PAK5: variants seen among roughly 807,000 people sequenced by gnomAD.
PAK5 encodes the protein p21 (RAC1) activated kinase 5.
Under a neutral mutation model 65.9 loss-of-function variants are expected in PAK5, and 16 were observed. That is an observed-to-expected ratio of 0.24 (90% CI 0.16 to 0.37). PAK5 has a LOEUF of 0.37. Among genes scored for constraint, PAK5 ranks in the 10% least tolerant of loss-of-function variants. PAK5 has a pLI of 1.00. For synonymous variants in PAK5, 371 were observed against 354.9 expected (o/e 1.05, Z -0.51); for missense variants, 785 against 903.9 (o/e 0.87, Z 1.69).
intron 1 of PAK5, among the ~76,000 whole-genome samples, chr20:9,757,641 C>T (rs1282276352): frequency 6.6e-6 from 1 of 152,132 alleles, no homozygotes. Context: ...AGGTCAAGTG[C>T]TTCAACATTT....
chr20:9,676,514 A>G (rs1444196035), intron 2 of PAK5, among the ~76,000 whole-genome samples: 1 of 150,920 alleles, frequency 6.6e-6, no homozygotes, highest in Non-Finnish European at 1.5e-5. Context: ...AATATTATTG[A>G]TGTCATTTTT....
At chr20:9,718,138 G>A (rs2048171738) in intron 1 of PAK5, among the ~76,000 whole-genome samples, 1 of 151,746 alleles carries the variant, frequency 6.6e-6, no homozygotes, top group African/African-American at 2.4e-5. Context: ...GCCTTCTTCT[G>A]TTTTATATAC....
At position 9,541,545 on chromosome 20, in the gene PAK5, C is replaced by T. The variant is rs544404737; in HGVS notation, c.2004+1041G>A. ...ACTTTACTCCAGCAATGTAAGCCTTCTTTCTTGGCTTAAGGCCTTTCCACT... is the reference window on the plus strand; with the variant it reads ...ACTTTACTCCAGCAATGTAAGCCTTTTTTCTTGGCTTAAGGCCTTTCCACT... On this transcript the variant is annotated intron_variant, in intron 9 of 9. Transcript: ENST00000353224. 5.3e-5 allele frequency among the ~76,000 whole-genome samples: 8 copies of T among 152,316 alleles called. No homozygotes were observed. In the South Asian group the frequency reaches 1.5e-3, roughly 28 times the overall value.
In PAK5 at chr20:9,539,088, C is replaced by CTT. The variant is rs556134977; in HGVS notation, c.*372_*373dup. 8,825 of 210,538 alleles carry CTT rather than the reference C, an allele frequency of 0.042. 297 individuals are homozygous for CTT. The highest frequency in any genetic ancestry group is 0.17 in the East Asian group (2,485 of 14,610). The allele number at this position is 210,538 out of a possible 1,614,324, so 13.0% of individuals were successfully genotyped here. A position where few individuals can be genotyped will look rare whatever the true frequency, so the allele number is the denominator to read the frequency against. ...AAGTGCTTTTTGTTTTCCTTTCTTT[C>CTT]TTTTTTTTTTTTTTTTGCCAGAAAA... On this transcript the variant is annotated 3_prime_UTR_variant, in exon 10 of 10. Coordinates refer to ENST00000353224, the MANE Select transcript of PAK5 (RefSeq NM_177990.4).
intron 1 of PAK5, among the ~76,000 whole-genome samples, chr20:9,793,791 C>G (rs1398819251): frequency 2.6e-5 from 4 of 151,908 alleles, no homozygotes; most frequent in Non-Finnish European, 5.9e-5. Context: ...GATCTAGAAC[C>G]GGAAATACCA....
chr20:9,573,721 G>A (rs1357048544), intron 4 of PAK5, among the ~76,000 whole-genome samples: 3 of 152,192 alleles, frequency 2.0e-5, no homozygotes, highest in African/African-American at 2.4e-5. Context: ...TCTGAGGGCA[G>A]GGGGGCCGTG....
intron 1 of PAK5, among the ~76,000 whole-genome samples, chr20:9,713,968 C>T (rs536089621): frequency 3.3e-5 from 5 of 151,930 alleles, no homozygotes; most frequent in Admixed American, 6.6e-5. Context: ...TACACTTAAC[C>T]GTAATTTACT....
intron 7 of PAK5, among the ~76,000 whole-genome samples, chr20:9,554,677 A>G (rs991681548): frequency 1.3e-5 from 2 of 152,188 alleles, no homozygotes; most frequent in African/African-American, 4.8e-5. Flanking sequence ...AACACACTCT[A>G]AGCCTTTTCT....
At chr20:9,794,155 C>A (rs953828773) in intron 1 of PAK5, among the ~76,000 whole-genome samples, 20 of 139,988 alleles carry the variant, frequency 1.4e-4, no homozygotes, top group Admixed American at 1.3e-3. Context: ...GGGAGGGGAA[C>A]AACACACACT....
At chr20:9,684,556 T>C (rs1485890643) in intron 2 of PAK5, among the ~76,000 whole-genome samples, 3 of 152,242 alleles carry the variant, frequency 2.0e-5, no homozygotes, top group Non-Finnish European at 4.4e-5. Flanking sequence ...GGTTTGCTAA[T>C]GTAACATGAT....
intron 3 of PAK5, among the ~76,000 whole-genome samples, chr20:9,621,785 G>C (rs556093929): frequency 6.6e-6 from 1 of 152,112 alleles, no homozygotes; most frequent in African/African-American, 2.4e-5. Flanking sequence ...CGGGGCCTGC[G>C]GTGTTATGCC....
chr20:9,605,587 T>A (rs2046438878), intron 3 of PAK5, among the ~76,000 whole-genome samples: 1 of 152,116 alleles, frequency 6.6e-6, no homozygotes, highest in Non-Finnish European at 1.5e-5. Flanking sequence ...CCTGGCACAG[T>A]GTCAGGTATA....
intron 2 of PAK5, among the ~76,000 whole-genome samples, chr20:9,668,862 T>G (rs1417197651): frequency 1.3e-5 from 2 of 152,200 alleles, no homozygotes; most frequent in Non-Finnish European, 2.9e-5. Flanking sequence ...TATCCACATC[T>G]ATACTGGGCA....
intron 3 of PAK5, among the ~76,000 whole-genome samples, chr20:9,638,034 A>G (rs2047003610): frequency 6.6e-6 from 1 of 152,156 alleles, no homozygotes; most frequent in South Asian, 2.1e-4. Context: ...TAGAAATGCA[A>G]GTTATCAGGC....
At chr20:9,741,322 C>T (rs1234372994) in intron 1 of PAK5, among the ~76,000 whole-genome samples, 1 of 152,108 alleles carries the variant, frequency 6.6e-6, no homozygotes, top group African/African-American at 2.4e-5. Context: ...ATTGTGCACA[C>T]TCCTTTAGAT....
intron 1 of PAK5, among the ~76,000 whole-genome samples, chr20:9,781,467 C>T (rs1278283253): frequency 1.3e-5 from 2 of 152,120 alleles, no homozygotes; most frequent in East Asian, 1.9e-4. Context: ...TTTGTGTAAA[C>T]TGGGATGCTG....
At chr20:9,548,006 T>A (rs2045369834) in intron 7 of PAK5, among the ~76,000 whole-genome samples, 1 of 152,220 alleles carries the variant, frequency 6.6e-6, no homozygotes, top group Admixed American at 6.5e-5. Flanking sequence ...GACAAAAGCC[T>A]TAACATTTTC....
chr20:9,831,142 C>T (rs1345148942), intron 1 of PAK5, among the ~76,000 whole-genome samples: 1 of 152,228 alleles, frequency 6.6e-6, no homozygotes, highest in Non-Finnish European at 1.5e-5. Context: ...GAGTCTGTTT[C>T]CAAAGTGCCT....
At chr20:9,557,756 A>C (rs2045530232) in intron 6 of PAK5, 22 bp from the exon 7 acceptor site, 2 of 1,605,196 alleles carry the variant, frequency 1.2e-6, no homozygotes, top group African/African-American at 2.7e-5. Context: ...ATAACATTTA[A>C]GGAACAAGAC....
Sources: allele counts gnomAD v4.1 joint callset (sites outside exome capture counted in the v4.1 genomes callset), GRCh38; gene constraint gnomAD v4.1.1; transcripts MANE v1.5; gene names NCBI Gene and HGNC (gene_info 2026-07-23, HGNC 2026-07-21).